The following TMEM53 variants were observed in gnomAD, a reference collection of about 807,000 sequenced individuals.
TMEM53 encodes the protein transmembrane protein 53.
Under a neutral mutation model 21.4 loss-of-function variants are expected in TMEM53, and 14 were observed. The ratio of observed to expected loss-of-function variants is 0.65; its 90% confidence interval spans 0.43 to 1.02. The LOEUF is 1.02. Among genes scored for constraint, TMEM53 ranks in the 50% least tolerant of loss-of-function variants. The probability of loss-of-function intolerance (pLI) is 0.00; values close to 1 mark genes in which losing one functional copy is unlikely to be tolerated. For missense variants in TMEM53, 323 were observed against 383.6 expected, an observed-to-expected ratio of 0.84 and a Z score of 1.32; for synonymous variants, 148 against 157.4, an observed-to-expected ratio of 0.94 and a Z score of 0.45.
In TMEM53 at chr1:44,674,411, A is replaced by G; in HGVS notation, c.-20T>C. ...GGCCATGGTGAAGGCGCCGGCCCAG[A>G]GCACGGGTCTCCAGCCGGAACTCCC... On this transcript the variant is annotated 5_prime_UTR_variant, in exon 1 of 3. Transcript: ENST00000372237. 6.2e-7 allele frequency: 1 copy of G among 1,600,300 alleles called. No individual in the cohort carries two copies. The highest frequency in any genetic ancestry group is 8.5e-7 in the Non-Finnish European group (1 of 1,174,116).
At chr1:44,666,863 G>A (rs1259154212) in intron 1 of TMEM53, among the ~76,000 whole-genome samples, 3 of 149,148 alleles carry the variant, frequency 2.0e-5, no homozygotes, top group Admixed American at 6.7e-5. Context: ...GTTTTGTTTT[G>A]AGACAGGGCC....
At chr1:44,673,888 T>G in intron 1 of TMEM53, 1 of 985,180 alleles carries the variant, frequency 1.0e-6, no homozygotes, top group South Asian at 4.7e-5. Context: ...GGGTTCTGAG[T>G]CCCGGGCTTC....
chr1:44,658,288 A>G (rs1303513999), intron 2 of TMEM53, among the ~76,000 whole-genome samples: 1 of 151,922 alleles, frequency 6.6e-6, no homozygotes, highest in Non-Finnish European at 1.5e-5. Flanking sequence ...GTCTCAAAAA[A>G]CACACCCCCC....
intron 1 of TMEM53, chr1:44,674,008 C>T: frequency 2.0e-6 from 2 of 985,468 alleles, no homozygotes; most frequent in Non-Finnish European, 2.4e-6. Context: ...CAGGAGGGAT[C>T]CAGCTTTCGG....
chr1:44,674,478 G>C lies in TMEM53; in HGVS notation c.-87C>G. Reference sequence around the variant, plus strand: ...CTCACCCGGGCGCCTCCTGGGCGCCGCCCAATCACCACACACCTCCCCCAA... The same window carrying C: ...CTCACCCGGGCGCCTCCTGGGCGCCCCCCAATCACCACACACCTCCCCCAA... On this transcript the variant is annotated 5_prime_UTR_variant, in exon 1 of 3. Coordinates refer to ENST00000372237, the MANE Select transcript of TMEM53 (RefSeq NM_024587.4). 7.4e-7 allele frequency: 1 copy of C among 1,347,508 alleles called. No homozygotes were observed. The highest frequency in any genetic ancestry group is 1.0e-6 in the Non-Finnish European group (1 of 983,950). The allele number at this position is 1,347,508 out of a possible 1,614,324, so 83.5% of individuals were successfully genotyped here.
chr1:44,654,250 G>A lies in TMEM53; in HGVS notation c.*309C>T. 1 of 313,664 alleles carries A rather than the reference G, an allele frequency of 3.2e-6. No individual in the cohort carries two copies. The highest frequency in any genetic ancestry group is 5.6e-5 in the East Asian group (1 of 17,768). The allele number at this position is 313,664 out of a possible 1,614,324, so 19.4% of individuals were successfully genotyped here. A position where few individuals can be genotyped will look rare whatever the true frequency, so the allele number is the denominator to read the frequency against. On this transcript the variant is annotated 3_prime_UTR_variant, in exon 3 of 3. Coordinates refer to ENST00000372237, the MANE Select transcript of TMEM53 (RefSeq NM_024587.4). The surrounding 1 kb of genome is among the most constrained non-coding windows in gnomAD (Gnocchi z 7.0). ...TCACCCTCAACACCCCCCTCCATTT[G>A]TCAACCTCTACAGCCTGCATGCCAC...
intron 1 of TMEM53, among the ~76,000 whole-genome samples, chr1:44,666,710 G>A (rs986630486): frequency 2.6e-5 from 4 of 152,134 alleles, no homozygotes; most frequent in Admixed American, 1.3e-4. Context: ...CAAGGGCTGG[G>A]GGGAGGAGGG....
rs1490019315 is a variant in TMEM53 at position 44,655,816 on chromosome 1, C to A, written c.184-607G>T. On this transcript the variant is annotated intron_variant, in intron 2 of 2. Transcript: ENST00000372237. This position sits in a 1 kb window ranked among gnomAD's most constrained non-coding sequence, Gnocchi z 4.4. ...TCTCCCAGGCTCCTAAAAACAGAGTCCATACTCTCTGGACTCAGGGACCTG... is the reference window on the plus strand; with the variant it reads ...TCTCCCAGGCTCCTAAAAACAGAGTACATACTCTCTGGACTCAGGGACCTG... Among the ~76,000 whole-genome samples, 1 of 152,164 alleles carries A rather than the reference C, an allele frequency of 6.6e-6. No individual in the cohort carries two copies. The highest frequency in any genetic ancestry group is 1.5e-5 in the Non-Finnish European group (1 of 68,020).
chr1:44,668,642 G>A (rs1436787947), intron 1 of TMEM53, among the ~76,000 whole-genome samples: 1 of 151,896 alleles, frequency 6.6e-6, no homozygotes, highest in Admixed American at 6.6e-5. Flanking sequence ...CTTGGGCTCA[G>A]GTAATCCTCC....
At chr1:44,666,850 T>TG (rs1644953024) in intron 1 of TMEM53, among the ~76,000 whole-genome samples, 1 of 132,822 alleles carries the variant, frequency 7.5e-6, no homozygotes. Context: ...ACTTTTTTTT[T>TG]TTGTTTTGTT....
intron 2 of TMEM53, among the ~76,000 whole-genome samples, chr1:44,656,612 C>T (rs908906526): frequency 6.6e-6 from 1 of 152,160 alleles, no homozygotes; most frequent in African/African-American, 2.4e-5. Flanking sequence ...GAATCACACA[C>T]TCCTAGAAAT....
At chr1:44,660,132 G>A (rs749510939) in intron 2 of TMEM53, 42 bp downstream of exon 2, 97 of 1,596,156 alleles carry the variant, frequency 6.1e-5, no homozygotes, top group Non-Finnish European at 4.3e-6. Context: ...AAGGTGGTCA[G>A]CCCTCACGGC....
chr1:44,670,169 T>TAAA (rs780360806), intron 1 of TMEM53, among the ~76,000 whole-genome samples: 15 of 103,796 alleles, frequency 1.4e-4, no homozygotes, highest in South Asian at 9.6e-4. Flanking sequence ...TCCTCTGTAT[T>TAAA]AAAAAAAAAA....
chr1:44,672,304 G>A (rs1386698716), intron 1 of TMEM53, among the ~76,000 whole-genome samples: 1 of 152,256 alleles, frequency 6.6e-6, no homozygotes, highest in Non-Finnish European at 1.5e-5. Context: ...CTTGAACAGA[G>A]GAAGAGAGAT....
rs3908394 is a variant in TMEM53, at chr1:44,653,447, G to A, written c.*1112C>T. The stretch of plus-strand genomic sequence containing the variant: ...CCCCTTACCCTGGTTCTGGTCTTTA[G>A]GGCTTGGGAGTTAGCTCATCCCAGC... On this transcript the variant is annotated 3_prime_UTR_variant, in exon 3 of 3. Transcript: ENST00000372237. 1 of 152,202 alleles carries A rather than the reference G, an allele frequency of 6.6e-6. No homozygotes were observed. The highest frequency in any genetic ancestry group is 2.4e-5 in the African/African-American group (1 of 41,440). 9.4% of individuals were successfully genotyped at this position (152,202 alleles called of 1,614,324 possible). A position where few individuals can be genotyped will look rare whatever the true frequency, so the allele number is the denominator to read the frequency against.
chr1:44,657,919 A>G (rs892711240), intron 2 of TMEM53, among the ~76,000 whole-genome samples: 11 of 150,930 alleles, frequency 7.3e-5, no homozygotes, highest in Non-Finnish European at 1.3e-4. Context: ...TGTCCTCCCT[A>G]TTGGAAAGTC....
chr1:44,657,310 A>C (rs780020266), intron 2 of TMEM53, among the ~76,000 whole-genome samples: 1 of 152,222 alleles, frequency 6.6e-6, no homozygotes, highest in African/African-American at 2.4e-5. Context: ...CATCCGCTGT[A>C]AAGGATGCTT....
intron 1 of TMEM53, among the ~76,000 whole-genome samples, chr1:44,660,988 A>T (rs1644897088): frequency 2.0e-5 from 3 of 151,842 alleles, no homozygotes; most frequent in African/African-American, 4.8e-5. Context: ...AAAAAAAAAA[A>T]TCAAAAGAAT....
Position 44,653,346 on chromosome 1 carries a change from C to T in TMEM53, c.*1213G>A, listed in dbSNP as rs1644817487. Reference sequence around the variant, plus strand: ...TGATACTGAACTATCAGGCTGAATTCACCTCTTCTGCCTAGAGAGTATCTA... The same window carrying T: ...TGATACTGAACTATCAGGCTGAATTTACCTCTTCTGCCTAGAGAGTATCTA... On this transcript the variant is annotated 3_prime_UTR_variant, in exon 3 of 3. Coordinates refer to ENST00000372237, the MANE Select transcript of TMEM53 (RefSeq NM_024587.4). 6.6e-6 allele frequency: 1 copy of T among 152,236 alleles called. No individual in the cohort carries two copies. The highest frequency in any genetic ancestry group is 1.5e-5 in the Non-Finnish European group (1 of 68,048). The allele number at this position is 152,236 out of a possible 1,614,324, so 9.4% of individuals were successfully genotyped here. A position where few individuals can be genotyped will look rare whatever the true frequency, so the allele number is the denominator to read the frequency against.
Sources: allele counts gnomAD v4.1 joint callset (sites outside exome capture counted in the v4.1 genomes callset), GRCh38; gene constraint gnomAD v4.1.1; non-coding constraint Gnocchi (gnomAD v3.1); transcripts MANE v1.5; gene names NCBI Gene and HGNC (gene_info 2026-07-23, HGNC 2026-07-21).